KCNJ12: variants seen among roughly 807,000 people sequenced by gnomAD.
KCNJ12 encodes potassium inwardly rectifying channel subfamily J member 12, also known as ATP-sensitive inward rectifier potassium channel 12.
KCNJ12 carries 2 observed loss-of-function variants against 22.3 expected under a neutral mutation model. The ratio of observed to expected loss-of-function variants is 0.09; its 90% CI spans 0.04 to 0.28. KCNJ12 has a LOEUF of 0.28. Among genes scored for constraint, KCNJ12 ranks in the 10% least tolerant of loss-of-function variants. The probability of loss-of-function intolerance (pLI) is 1.00; values close to 1 mark genes in which losing one functional copy is unlikely to be tolerated. For missense variants in KCNJ12, 155 were observed against 633.3 expected (o/e 0.24, Z 8.11); for synonymous variants, 117 against 261.4 (o/e 0.45, Z 5.33).
In KCNJ12 at chr17:21,389,328, G is replaced by A. The variant is rs186748220; in HGVS notation, c.-179+12415G>A. On this transcript the variant is annotated intron_variant, in intron 1 of 2. Coordinates refer to ENST00000583088, the MANE Select transcript of KCNJ12 (RefSeq NM_021012.5). ...GACAAGCCATTGCCTGAGCACTGTC[G>A]TGTGCTGGGGGCATGGGCAGGGAGA... Among the ~76,000 whole-genome samples, 382 of 152,320 alleles carry A rather than the reference G, an allele frequency of 2.5e-3. 8 individuals are homozygous for A. Among genetic ancestry groups the A allele is most frequent in the Non-Finnish European group, 6.0e-4 (41 of 68,024 alleles).
chr17:21,392,142 G>T (rs1185816663), intron 1 of KCNJ12, among the ~76,000 whole-genome samples: 3 of 152,200 alleles, frequency 2.0e-5, no homozygotes, highest in Non-Finnish European at 2.9e-5. Flanking sequence ...CACATAGGCA[G>T]AGCCTTCCTG....
chr17:21,387,225 G>A (rs919738277), intron 1 of KCNJ12, among the ~76,000 whole-genome samples: 2 of 151,724 alleles, frequency 1.3e-5, no homozygotes, highest in Admixed American at 1.3e-4. Flanking sequence ...GGCAGATCAC[G>A]AGGTCAGGAG....
chr17:21,411,018 G>C (rs1176612166), intron 2 of KCNJ12, among the ~76,000 whole-genome samples: 1 of 152,310 alleles, frequency 6.6e-6, no homozygotes, highest in Non-Finnish European at 1.5e-5. Flanking sequence ...GGCTGTTGGC[G>C]CCTCCCCCTC....
At chr17:21,389,552 AC>A (rs1905158274) in intron 1 of KCNJ12, among the ~76,000 whole-genome samples, 1 of 152,032 alleles carries the variant, frequency 6.6e-6, no homozygotes, top group Non-Finnish European at 1.5e-5. Context: ...TGACTTACTT[AC>A]CCACTCACTC....
chr17:21,407,207 C>T (rs797040054), intron 1 of KCNJ12, among the ~76,000 whole-genome samples: 1 of 152,394 alleles, frequency 6.6e-6, no homozygotes, highest in South Asian at 2.1e-4. Flanking sequence ...CACCCATCCA[C>T]CCACCCATCC....
chr17:21,379,263 G>A (rs112169277), intron 1 of KCNJ12, among the ~76,000 whole-genome samples: 4 of 152,238 alleles, frequency 2.6e-5, no homozygotes, highest in Non-Finnish European at 4.4e-5. Context: ...GCAGTACCAA[G>A]CGTGGCACCC....
In KCNJ12 at chr17:21,415,585, G is replaced by C. The variant is rs1657739; in HGVS notation, c.243G>C (p.Arg81=). The C allele has an allele frequency of 5.0e-5, 80 of 1,613,586 alleles. No homozygotes were observed. Among genetic ancestry groups the C allele is most frequent in the Middle Eastern group, 5.0e-4 (3 of 6,060 alleles). Residue 81 remains arginine (R), a synonymous_variant, in exon 3 of 3, where the codon CGG becomes CGC. Transcript: ENST00000583088. ...CCACCTGTGTGGACATCCGCTGGCG[G>C]TACATGCTGCTCATCTTCTCGCTGG... ...MFTTCVDIRW[R]YMLLIFSLAF... is the part of the protein sequence containing the mutation.
intron 1 of KCNJ12, among the ~76,000 whole-genome samples, chr17:21,386,020 A>G (rs1330276811): frequency 6.6e-6 from 1 of 152,248 alleles, no homozygotes; most frequent in Non-Finnish European, 1.5e-5. Flanking sequence ...AACCAGGTCC[A>G]GTAAAGAAAG....
chr17:21,377,854 A>C (rs1485787218), intron 1 of KCNJ12, among the ~76,000 whole-genome samples: 1 of 152,092 alleles, frequency 6.6e-6, no homozygotes, highest in Non-Finnish European at 1.5e-5. Flanking sequence ...ACTCGCCCGC[A>C]CCTGGGACCT....
At chr17:21,409,367 T>C (rs1906184507) in intron 2 of KCNJ12, among the ~76,000 whole-genome samples, 1 of 152,308 alleles carries the variant, frequency 6.6e-6, no homozygotes, top group Admixed American at 6.5e-5. Flanking sequence ...CAAGAGCCTT[T>C]GCTGTGGAGA....
At chr17:21,392,834 C>G (rs1433265844) in intron 1 of KCNJ12, among the ~76,000 whole-genome samples, 1 of 152,186 alleles carries the variant, frequency 6.6e-6, no homozygotes, top group Non-Finnish European at 1.5e-5. Context: ...TCGGGGCAAC[C>G]TTGATGGTGT....
intron 2 of KCNJ12, 58 bp from the exon 3 acceptor site, chr17:21,415,229 G>T: frequency 1.3e-6 from 2 of 1,494,502 alleles, no homozygotes; most frequent in Non-Finnish European, 1.8e-6. Context: ...CCCTGGGATG[G>T]GGGTAGAGGA....
At chr17:21,386,760 C>G (rs1200813758) in intron 1 of KCNJ12, among the ~76,000 whole-genome samples, 1 of 152,136 alleles carries the variant, frequency 6.6e-6, no homozygotes, top group Non-Finnish European at 1.5e-5. Flanking sequence ...TCTACCTTGG[C>G]CTCCCAAAGT....
intron 1 of KCNJ12, among the ~76,000 whole-genome samples, chr17:21,394,199 C>A (rs782028211): frequency 3.3e-5 from 5 of 152,068 alleles, no homozygotes; most frequent in Non-Finnish European, 5.9e-5. Context: ...AAGGGGCTGC[C>A]CTATACAGGT....
At position 21,415,756 on chromosome 17, in the gene KCNJ12, C is replaced by G; in HGVS notation, c.414C>G (p.Ile138Met). 1.2e-6 allele frequency: 2 copies of G among 1,613,008 alleles called. No homozygotes were observed. Among genetic ancestry groups the G allele is most frequent in the Non-Finnish European group, 1.7e-6 (2 of 1,179,910 alleles). The change falls in exon 3 of 3, where the codon ATC (isoleucine) becomes ATG (methionine). Residue 138 changes from isoleucine to methionine, a missense_variant. Ile to Met is a conservative substitution (Grantham distance 10). Coordinates refer to ENST00000583088, the MANE Select transcript of KCNJ12 (RefSeq NM_021012.5). ...TCATGGCGGCCTTCCTCTTCTCCATCGAGACGCAGACCACCATCGGCTACG... is the reference window on the plus strand; with the variant it reads ...TCATGGCGGCCTTCCTCTTCTCCATGGAGACGCAGACCACCATCGGCTACG... ...HGFMAAFLFS[I>M]ETQTTIGYGL...
At chr17:21,391,079 G>A (rs779371533) in intron 1 of KCNJ12, among the ~76,000 whole-genome samples, 7 of 152,200 alleles carry the variant, frequency 4.6e-5, no homozygotes, top group Non-Finnish European at 4.4e-5. Flanking sequence ...TTCTGTGGCT[G>A]GCTTCCCCAT....
At chr17:21,407,627 C>T (rs1422141846) in intron 1 of KCNJ12, among the ~76,000 whole-genome samples, 1 of 150,606 alleles carries the variant, frequency 6.6e-6, no homozygotes, top group Admixed American at 6.6e-5. Context: ...ACCCACCTAT[C>T]CCTCCATTCA....
chr17:21,389,389 C>T (rs4247121), intron 1 of KCNJ12, among the ~76,000 whole-genome samples: 33,159 of 152,208 alleles, frequency 0.22, 4,387 homozygotes, highest in South Asian at 0.34. Context: ...CCCCTTCACC[C>T]GTTCCCTAGA....
intron 2 of KCNJ12, among the ~76,000 whole-genome samples, chr17:21,412,453 G>A (rs1263572840): frequency 6.6e-6 from 1 of 152,308 alleles, no homozygotes; most frequent in Non-Finnish European, 1.5e-5. Flanking sequence ...GCTGCTCGGA[G>A]CAGGGGCTGG....
Sources: gnomAD v4.1 joint callset for allele counts (sites outside exome capture counted in the v4.1 genomes callset) on GRCh38, gnomAD v4.1.1 for gene constraint, MANE v1.5 for transcripts, NCBI Gene and HGNC (gene_info 2026-07-23, HGNC 2026-07-21) for gene names.